The following RIT2 variants were observed in gnomAD, a reference collection of about 807,000 sequenced individuals.
RIT2 encodes Ras like without CAAX 2, also known as GTP-binding protein Rit2.
A neutral mutation model predicts 23.7 loss-of-function variants in RIT2; 24 were observed. The observed-to-expected ratio is 1.01, with a 90% CI of 0.73 to 1.43. The LOEUF (loss-of-function observed/expected upper bound fraction) is 1.43, where lower values mean the gene tolerates loss of function less well. Among genes scored for constraint, RIT2 ranks in the 40% most tolerant of loss-of-function variants. The probability of loss-of-function intolerance (pLI) is 0.00; values close to 1 mark genes in which losing one functional copy is unlikely to be tolerated. For missense variants in RIT2, 236 were observed against 266.9 expected, an observed-to-expected ratio of 0.88 and a Z score of 0.81; for synonymous variants, 107 against 91.1, an observed-to-expected ratio of 1.17 and a Z score of -0.99.
intron 2 of RIT2, among the ~76,000 whole-genome samples, chr18:42,998,046 AT>A (rs970331049): frequency 7.2e-5 from 11 of 151,926 alleles, no homozygotes; most frequent in Admixed American, 4.6e-4. Flanking sequence ...ACCACAATAC[AT>A]TTTTTTTAAC....
intron 2 of RIT2, among the ~76,000 whole-genome samples, chr18:43,013,183 T>C (rs1911390641): frequency 6.6e-6 from 1 of 151,896 alleles, no homozygotes; most frequent in Non-Finnish European, 1.5e-5. Context: ...CTGATCAACA[T>C]GATGACTTTG....
intron 4 of RIT2, among the ~76,000 whole-genome samples, chr18:42,788,920 C>G (rs1218871025): frequency 6.6e-6 from 1 of 152,130 alleles, no homozygotes; most frequent in Non-Finnish European, 1.5e-5. Flanking sequence ...GCAGAACTGG[C>G]TTATGTATAT....
At chr18:42,801,690 A>G (rs1467423215) in intron 4 of RIT2, among the ~76,000 whole-genome samples, 1 of 152,200 alleles carries the variant, frequency 6.6e-6, no homozygotes, top group Non-Finnish European at 1.5e-5. Flanking sequence ...ACAAATAGCT[A>G]ACTCTGGTTT....
intron 2 of RIT2, among the ~76,000 whole-genome samples, chr18:43,031,661 G>C (rs922862460): frequency 6.6e-6 from 1 of 152,026 alleles, no homozygotes; most frequent in Admixed American, 6.6e-5. Context: ...TTTCAGAACT[G>C]AGGTATATTT....
intron 1 of RIT2, among the ~76,000 whole-genome samples, chr18:43,045,365 T>C (rs1912222315): frequency 6.6e-6 from 1 of 152,206 alleles, no homozygotes; most frequent in Non-Finnish European, 1.5e-5. Flanking sequence ...AGAATTAACA[T>C]TGTTATCATT....
At chr18:42,945,520 TATAGGTTTTTGCTGC>T (rs1334971272) in intron 3 of RIT2, among the ~76,000 whole-genome samples, 2 of 152,188 alleles carry the variant, frequency 1.3e-5, no homozygotes, top group Non-Finnish European at 2.9e-5. Flanking sequence ...GCGAATTTGG[TATAGGTTTTTGCTGC>T]ATAGGCAAAC....
intron 4 of RIT2, among the ~76,000 whole-genome samples, chr18:42,840,459 G>A (rs1025446788): frequency 1.3e-5 from 2 of 152,150 alleles, no homozygotes; most frequent in Non-Finnish European, 2.9e-5. Flanking sequence ...AATAGTTAGA[G>A]TATGCCAAGA....
intron 4 of RIT2, among the ~76,000 whole-genome samples, chr18:42,878,379 AT>A (rs1395832814): frequency 6.6e-6 from 1 of 151,982 alleles, no homozygotes; most frequent in East Asian, 1.9e-4. Context: ...TATATTTACT[AT>A]TTATTAAATA....
chr18:43,041,816 A>G (rs1052498468), intron 1 of RIT2, among the ~76,000 whole-genome samples: 14 of 152,078 alleles, frequency 9.2e-5, no homozygotes, highest in African/African-American at 3.4e-4. Flanking sequence ...TTCTCTGAAA[A>G]TCTGACAATA....
chr18:42,898,565 C>T (rs148158687), intron 4 of RIT2, among the ~76,000 whole-genome samples: 2 of 152,202 alleles, frequency 1.3e-5, no homozygotes, highest in Non-Finnish European at 2.9e-5. Flanking sequence ...CTTTGAGTGA[C>T]AAGCACTAAA....
At chr18:43,002,142 C>T (rs527672926) in intron 2 of RIT2, among the ~76,000 whole-genome samples, 2 of 152,054 alleles carry the variant, frequency 1.3e-5, no homozygotes, top group East Asian at 1.9e-4. Context: ...TGGCTGAAGA[C>T]TCAAGAGCCT....
chr18:43,006,636 A>G (rs770495121), intron 2 of RIT2, among the ~76,000 whole-genome samples: 1 of 151,666 alleles, frequency 6.6e-6, no homozygotes, highest in African/African-American at 2.4e-5. Flanking sequence ...GAAAGATAAT[A>G]CTTCAAAAAT....
intron 3 of RIT2, among the ~76,000 whole-genome samples, chr18:42,967,670 C>T (rs962204435): frequency 6.7e-6 from 1 of 148,946 alleles, no homozygotes; most frequent in South Asian, 2.1e-4. Context: ...GGATTACAGG[C>T]GTGAGCCACC....
In RIT2 at chr18:42,743,622, A is replaced by G. The variant is rs755126715; in HGVS notation, c.525T>C (p.His175=). The change falls in exon 5 of 5, where the codon CAT becomes CAC. Residue 175 remains histidine, a synonymous_variant. Coordinates refer to ENST00000326695, the MANE Select transcript of RIT2 (RefSeq NM_002930.4). ...TCTTGCGAATTTCCCTCACTAAGCC[A>G]TGAAAAGCATCATCAATACAGAATC... ...ALRFCIDDAF[H]GLVREIRKKE... is the part of the protein sequence containing the mutation. 2.5e-6 allele frequency: 4 copies of G among 1,614,128 alleles called. No individual in the cohort carries two copies. The highest frequency in any genetic ancestry group is 1.6e-4 in the Middle Eastern group (1 of 6,062).
At chr18:42,871,582 A>G (rs1452615698) in intron 4 of RIT2, among the ~76,000 whole-genome samples, 1 of 152,184 alleles carries the variant, frequency 6.6e-6, no homozygotes, top group Non-Finnish European at 1.5e-5. Context: ...ACCAAATGTC[A>G]TGGACGCATA....
intron 1 of RIT2, among the ~76,000 whole-genome samples, chr18:43,049,604 AT>A (rs1056092477): frequency 4.6e-5 from 7 of 152,152 alleles, no homozygotes; most frequent in African/African-American, 1.4e-4. Context: ...GCAGGTTCTA[AT>A]TTAGCAAAGA....
chr18:43,055,231 G>A (rs902115659), intron 1 of RIT2, among the ~76,000 whole-genome samples: 3 of 152,124 alleles, frequency 2.0e-5, no homozygotes, highest in Non-Finnish European at 4.4e-5. Flanking sequence ...TTGAGAACTA[G>A]CCATATTCTT....
At chr18:43,105,100 C>CTCTGTGTGTGTGTGTGTGTGTGTGTGTG (rs55751225) in intron 1 of RIT2, among the ~76,000 whole-genome samples, 5 of 142,978 alleles carry the variant, frequency 3.5e-5, no homozygotes, top group Admixed American at 6.9e-5. Flanking sequence ...AGGCAGTGTG[C>CTCTGTGTGTGTGTGTGTGTGTGTGTGTG]TGTGTGTGTG....
chr18:43,066,122 T>A (rs193038296), intron 1 of RIT2, among the ~76,000 whole-genome samples: 73 of 152,284 alleles, frequency 4.8e-4, no homozygotes, highest in Middle Eastern at 3.4e-3. Flanking sequence ...AAATCTGGAA[T>A]TTAAGCTAAT....
Sources: allele counts gnomAD v4.1 joint callset (sites outside exome capture counted in the v4.1 genomes callset), GRCh38; gene constraint gnomAD v4.1.1; transcripts MANE v1.5; gene names NCBI Gene and HGNC (gene_info 2026-07-23, HGNC 2026-07-21).